Variants in TPST1 observed in about 807,000 individuals in gnomAD.
TPST1 encodes protein-tyrosine sulfotransferase 1.
Under a neutral mutation model 34.8 loss-of-function variants are expected in TPST1, and 20 were observed. The ratio of observed to expected loss-of-function variants is 0.57; its 90% CI spans 0.40 to 0.84. The LOEUF is 0.84. Among genes scored for constraint, TPST1 ranks in the 40% least tolerant of loss-of-function variants. The probability of loss-of-function intolerance (pLI) is 0.00; values close to 1 mark genes in which losing one functional copy is unlikely to be tolerated. For missense variants in TPST1, 353 were observed against 455.5 expected, an observed-to-expected ratio of 0.78 and a Z score of 2.05; for synonymous variants, 152 against 159.4, an observed-to-expected ratio of 0.95 and a Z score of 0.35.
intron 3 of TPST1, among the ~76,000 whole-genome samples, chr7:66,340,050 C>T (rs1252458013): frequency 6.6e-6 from 1 of 151,916 alleles, no homozygotes; most frequent in Non-Finnish European, 1.5e-5. Context: ...AAGGAACATA[C>T]TTCGGTGAGG....
chr7:66,280,465 T>C (rs1329226977), intron 2 of TPST1, among the ~76,000 whole-genome samples: 2 of 152,220 alleles, frequency 1.3e-5, no homozygotes, highest in Admixed American at 6.5e-5. Flanking sequence ...TGTACAATGA[T>C]TTTGTATCCT....
At chr7:66,349,235 C>G (rs944110190) in intron 3 of TPST1, among the ~76,000 whole-genome samples, 1 of 152,056 alleles carries the variant, frequency 6.6e-6, no homozygotes, top group Non-Finnish European at 1.5e-5. Context: ...GAGGCTAGCT[C>G]AAAGAGGAGA....
chr7:66,229,575 A>G (rs757134856), intron 1 of TPST1, among the ~76,000 whole-genome samples: 1 of 152,316 alleles, frequency 6.6e-6, no homozygotes, highest in African/African-American at 2.4e-5. Flanking sequence ...GGTGATTATG[A>G]CTAGAGCTGC....
intron 2 of TPST1, among the ~76,000 whole-genome samples, chr7:66,276,020 G>A (rs1790802728): frequency 6.6e-6 from 1 of 150,998 alleles, no homozygotes; most frequent in Non-Finnish European, 1.5e-5. Flanking sequence ...AAGTTTTGAT[G>A]TTGAAAAGTC....
intron 1 of TPST1, among the ~76,000 whole-genome samples, chr7:66,211,654 G>A (rs957540071): frequency 2.6e-5 from 4 of 152,086 alleles, no homozygotes; most frequent in Admixed American, 2.0e-4. Flanking sequence ...TCAAATATGC[G>A]TAGTCATTCT....
At chr7:66,242,274 TTA>T (rs1291340611) in intron 2 of TPST1, among the ~76,000 whole-genome samples, 1 of 152,038 alleles carries the variant, frequency 6.6e-6, no homozygotes, top group Admixed American at 6.6e-5. Context: ...ATATAAGGTG[TTA>T]TATATACATA....
At chr7:66,206,042 C>T (rs1789121797) in intron 1 of TPST1, 1 of 152,458 alleles carries the variant, frequency 6.6e-6, no homozygotes, top group Non-Finnish European at 1.5e-5. Flanking sequence ...CTTTGACCAC[C>T]CACCATCGCA....
chr7:66,240,978 G>C lies in TPST1; in HGVS notation c.553G>C (p.Asp185His). Residue 185 changes from aspartate (D) to histidine (H), a missense_variant, in exon 2 of 6, where the codon GAT becomes CAT. Coordinates refer to ENST00000304842, the MANE Select transcript of TPST1 (RefSeq NM_003596.4). ...TGCCAAATTTCTCCTGATGGTCCGAGATGGCCGGGCATCAGTACATTCAAT... is the reference window on the plus strand; with the variant it reads ...TGCCAAATTTCTCCTGATGGTCCGACATGGCCGGGCATCAGTACATTCAAT... Reference protein sequence around the residue: ...PNAKFLLMVRDGRASVHSMIS... With the variant: ...PNAKFLLMVRHGRASVHSMIS... The C allele has an allele frequency of 6.2e-7, 1 of 1,614,204 alleles. No individual in the cohort carries two copies. Among genetic ancestry groups the C allele is most frequent in the Non-Finnish European group, 8.5e-7 (1 of 1,180,048 alleles).
intron 4 of TPST1, among the ~76,000 whole-genome samples, chr7:66,353,741 C>T (rs543841396): frequency 6.6e-6 from 1 of 152,328 alleles, no homozygotes; most frequent in Admixed American, 6.5e-5. Context: ...CAGTGATTAG[C>T]TTGTCAATAG....
chr7:66,231,861 C>T (rs553534062), intron 1 of TPST1, among the ~76,000 whole-genome samples: 4 of 152,362 alleles, frequency 2.6e-5, no homozygotes, highest in South Asian at 2.1e-4. Context: ...GCGCCCAGAG[C>T]GAGCAAGGGC....
At chr7:66,352,418 C>A (rs1470375507) in intron 3 of TPST1, 87 bp from the exon 4 acceptor site, 8 of 1,548,702 alleles carry the variant, frequency 5.2e-6, no homozygotes, top group Non-Finnish European at 6.9e-6. Flanking sequence ...GAGCAGTAAA[C>A]CCGGCCACGG....
rs1463465603 is a variant in TPST1, at chr7:66,311,137, T to TG, written c.1044+24428_1044+24429insG. Among the ~76,000 whole-genome samples, 4 of 152,096 alleles carry TG rather than the reference T, an allele frequency of 2.6e-5. No homozygotes were observed. The East Asian group carries it at 7.8e-4, about 30-fold the overall frequency. Reference sequence around the variant, plus strand: ...CCCTATTGAAGTATTTTGTCTTTTTTTTGTGTGTGTGTGACAGGGTTTCAC... The same window carrying TG: ...CCCTATTGAAGTATTTTGTCTTTTTTGTTGTGTGTGTGTGACAGGGTTTCAC... On this transcript the variant is annotated intron_variant, in intron 3 of 5. Transcript: ENST00000304842.
At chr7:66,233,663 A>G (rs1789845374) in intron 1 of TPST1, among the ~76,000 whole-genome samples, 2 of 152,198 alleles carry the variant, frequency 1.3e-5, no homozygotes, top group African/African-American at 4.8e-5. Flanking sequence ...TTTTGGCTAG[A>G]ATGAGATTTT....
At chr7:66,202,515 G>A (rs1345595887), upstream of TPST1, among the ~76,000 whole-genome samples, 1 of 152,156 alleles carries the variant, frequency 6.6e-6, no homozygotes, top group Non-Finnish European at 1.5e-5. Flanking sequence ...AGGTCTTATA[G>A]GTGGGGGAAG....
intron 3 of TPST1, among the ~76,000 whole-genome samples, chr7:66,294,724 C>A (rs1362362269): frequency 6.6e-6 from 1 of 151,476 alleles, no homozygotes; most frequent in Non-Finnish European, 1.5e-5. Context: ...ACATATTATT[C>A]TTTTTTATTT....
intron 3 of TPST1, among the ~76,000 whole-genome samples, chr7:66,296,548 G>A (rs1393369962): frequency 6.6e-6 from 1 of 152,026 alleles, no homozygotes; most frequent in African/African-American, 2.4e-5. Flanking sequence ...TATGATATGA[G>A]ATGGGCCCCA....
At chr7:66,277,268 T>G (rs1790838594) in intron 2 of TPST1, among the ~76,000 whole-genome samples, 1 of 152,222 alleles carries the variant, frequency 6.6e-6, no homozygotes, top group African/African-American at 2.4e-5. Flanking sequence ...ACTTTTTGGT[T>G]TGATGAAACC....
rs1364720366 is a variant in TPST1, at chr7:66,279,484, C to CT, written c.846-7024dup. On this transcript the variant is annotated intron_variant, in intron 2 of 5. Coordinates refer to ENST00000304842, the MANE Select transcript of TPST1 (RefSeq NM_003596.4). Reference sequence around the variant, plus strand: ...CTGGGTCTAATGGTAGTTCTGAGTTCTTTGAGAAATCTTCGAACTGCTGTC... The same window carrying CT: ...CTGGGTCTAATGGTAGTTCTGAGTTCTTTTGAGAAATCTTCGAACTGCTGTC... 5.9e-5 allele frequency among the ~76,000 whole-genome samples: 9 copies of CT among 152,284 alleles called. No homozygotes were observed. The East Asian group carries it at 1.7e-3, about 29-fold the overall frequency.
intron 3 of TPST1, among the ~76,000 whole-genome samples, chr7:66,320,211 T>G (rs986133564): frequency 2.0e-5 from 3 of 152,032 alleles, no homozygotes; most frequent in Non-Finnish European, 4.4e-5. Flanking sequence ...AATATTCATT[T>G]GTGTCTGGTT....
Sources: allele counts gnomAD v4.1 joint callset (sites outside exome capture counted in the v4.1 genomes callset), GRCh38; gene constraint gnomAD v4.1.1; transcripts MANE v1.5; gene names NCBI Gene and HGNC (gene_info 2026-07-23, HGNC 2026-07-21).